Variants in SLC7A2 observed in about 807,000 individuals in gnomAD.
The protein encoded by SLC7A2 is cationic amino acid transporter 2.
SLC7A2 carries 48 observed loss-of-function variants against 58.9 expected under a neutral mutation model. The ratio of observed to expected loss-of-function variants is 0.82; its 90% CI spans 0.65 to 1.04. The LOEUF (loss-of-function observed/expected upper bound fraction) is 1.04, where lower values mean the gene tolerates loss of function less well. Ranked by LOEUF, SLC7A2 falls within the 50% of genes least tolerant of loss-of-function variation. SLC7A2 has a pLI of 0.00. For synonymous variants in SLC7A2, 363 were observed against 314.5 expected (o/e 1.15, Z -1.63); for missense variants, 1,029 against 818.8 (o/e 1.26, Z -3.13).
chr8:17,543,323 C>T lies in SLC7A2; in HGVS notation c.-17C>T. The stretch of plus-strand genomic sequence containing the variant: ...ACCTCCTCCCTTCTGCTCAGGTCGC[C>T]TTCGTCAGACGTCAGAATGATTCCT... On this transcript the variant is annotated 5_prime_UTR_variant, in exon 3 of 13. Transcript: ENST00000494857. The T allele has an allele frequency of 1.2e-6, 2 of 1,601,614 alleles. No individual in the cohort carries two copies. Among genetic ancestry groups the T allele is most frequent in the Non-Finnish European group, 8.5e-7 (1 of 1,174,120 alleles).
intron 2 of SLC7A2, among the ~76,000 whole-genome samples, chr8:17,512,416 G>A (rs1032903040): frequency 6.6e-6 from 1 of 152,046 alleles, no homozygotes; most frequent in South Asian, 2.1e-4. Flanking sequence ...GCATGGTGGC[G>A]CGTGTCTGTA....
In SLC7A2 at chr8:17,543,619, C is replaced by G; in HGVS notation, c.280C>G (p.Pro94Ala). 1 of 1,597,540 alleles carries G rather than the reference C, an allele frequency of 6.3e-7. No individual in the cohort carries two copies. Among genetic ancestry groups the G allele is most frequent in the East Asian group, 2.2e-5 (1 of 44,784 alleles). Residue 94 changes from proline to alanine, a missense_variant, in exon 3 of 13, where the codon CCC becomes GCC. Physicochemically the swap from Pro to Ala is conservative, Grantham distance 27. Coordinates refer to ENST00000494857, the MANE Select transcript of SLC7A2 (RefSeq NM_001370338.1). The part of the protein sequence containing the change: ...LCYAEFGARV[P>A]KTGSAYLYTY... ...CTATGCCGAATTTGGGGCCCGTGTT[C>G]CCAAGACGGGGTCTGCATATTTGTA...
At position 17,565,253 on chromosome 8, in the gene SLC7A2, A is replaced by T; in HGVS notation, c.*107A>T. 1 of 820,108 alleles carries T rather than the reference A, an allele frequency of 1.2e-6. No homozygotes were observed. The highest frequency in any genetic ancestry group is 1.9e-6 in the Non-Finnish European group (1 of 524,356). 50.8% of individuals were successfully genotyped at this position (820,108 alleles called of 1,614,324 possible). A position where few individuals can be genotyped will look rare whatever the true frequency, so the allele number is the denominator to read the frequency against. On this transcript the variant is annotated 3_prime_UTR_variant, in exon 13 of 13. Coordinates refer to ENST00000494857, the MANE Select transcript of SLC7A2 (RefSeq NM_001370338.1). ...CTGGGTTGTCATGGGTTTGCTGCAT[A>T]CATAGTTCACCCTAATTTATACTTA...
At chr8:17,535,238 A>C (rs1431722890) in intron 2 of SLC7A2, among the ~76,000 whole-genome samples, 1 of 151,730 alleles carries the variant, frequency 6.6e-6, no homozygotes, top group African/African-American at 2.4e-5. Context: ...ACTACCCTCT[A>C]CTTGTTTACT....
At chr8:17,514,309 G>A (rs1162779354) in intron 2 of SLC7A2, among the ~76,000 whole-genome samples, 1 of 145,188 alleles carries the variant, frequency 6.9e-6, no homozygotes, top group Admixed American at 7.0e-5. Flanking sequence ...TGAGTTGGGA[G>A]CAGTGATTGA....
rs1157710615 is a variant in SLC7A2, at chr8:17,550,342, G to A, written c.740G>A (p.Gly247Asp). 1 of 1,614,110 alleles carries A rather than the reference G, an allele frequency of 6.2e-7. No individual in the cohort carries two copies. The highest frequency in any genetic ancestry group is 1.1e-5 in the South Asian group (1 of 91,086). The change falls in exon 6 of 13, where the codon GGT becomes GAT. Residue 247 changes from glycine to aspartate, a missense_variant. Physicochemically the swap from Gly to Asp is moderately conservative, Grantham distance 94 (BLOSUM62 -1). Transcript: ENST00000494857. ...SENGTSIYGA[G>D]GFMPYGFTGT... is the part of the protein sequence containing the mutation. ...AACGGAACAAGTATCTATGGGGCTG[G>A]TGGCTTTATGCCTTATGGCTTTACG...
intron 2 of SLC7A2, among the ~76,000 whole-genome samples, chr8:17,506,686 A>T (rs1045879731): frequency 1.3e-5 from 2 of 152,232 alleles, no homozygotes; most frequent in African/African-American, 4.8e-5. Context: ...GAGTCCAAGC[A>T]TATTGAAAAG....
In SLC7A2 at chr8:17,519,940, A is replaced by G. The variant is rs569248841; in HGVS notation, c.-23+17638A>G. On this transcript the variant is annotated intron_variant, in intron 2 of 12. Coordinates refer to ENST00000494857, the MANE Select transcript of SLC7A2 (RefSeq NM_001370338.1). ...AATGGATTCATTTTTGTTGTCTACC[A>G]GTAGACCATCTGATTGATTGAAACA... Among the ~76,000 whole-genome samples the G allele has an allele frequency of 9.8e-5, 15 of 152,316 alleles. 1 individual carries two copies. In the South Asian group the frequency reaches 3.1e-3, roughly 32 times the overall value.
chr8:17,510,266 T>C (rs929509773), intron 2 of SLC7A2, among the ~76,000 whole-genome samples: 1 of 151,478 alleles, frequency 6.6e-6, no homozygotes, highest in Non-Finnish European at 1.5e-5. Context: ...AAGAGTGAGC[T>C]GGCCTTTTTT....
chr8:17,513,798 C>G (rs1025507455), intron 2 of SLC7A2, among the ~76,000 whole-genome samples: 1 of 152,084 alleles, frequency 6.6e-6, no homozygotes, highest in Non-Finnish European at 1.5e-5. Context: ...GTCCCACTTA[C>G]AACAGCGCTA....
intron 2 of SLC7A2, among the ~76,000 whole-genome samples, chr8:17,506,024 C>A (rs1800351170): frequency 6.6e-6 from 1 of 152,204 alleles, no homozygotes; most frequent in African/African-American, 2.4e-5. Flanking sequence ...TTATCTCTTG[C>A]AACACTTGCT....
intron 2 of SLC7A2, among the ~76,000 whole-genome samples, chr8:17,514,645 T>G (rs1800730624): frequency 1.3e-5 from 2 of 152,296 alleles, no homozygotes; most frequent in African/African-American, 2.4e-5. Flanking sequence ...GCCTTGCTTC[T>G]TAGATTCCAC....
chr8:17,528,576 G>C (rs1220006432), intron 2 of SLC7A2, among the ~76,000 whole-genome samples: 1 of 151,996 alleles, frequency 6.6e-6, no homozygotes, highest in Admixed American at 6.6e-5. Flanking sequence ...ACGGGGTTTT[G>C]CTCTGTCGTT....
Position 17,538,345 on chromosome 8 carries a change from A to G in SLC7A2, c.-22-4973A>G, listed in dbSNP as rs539037983. On this transcript the variant is annotated intron_variant, in intron 2 of 12. Coordinates refer to ENST00000494857, the MANE Select transcript of SLC7A2 (RefSeq NM_001370338.1). ...TTATTCAGAAGACTTGATTTGGAGA[A>G]AAGATAAGTTTTGGACCCAGTAAAA... 3.3e-5 allele frequency among the ~76,000 whole-genome samples: 5 copies of G among 152,344 alleles called. No homozygotes were observed. The East Asian group carries it at 7.7e-4, about 24-fold the overall frequency.
At chr8:17,515,170 G>C (rs1800753266) in intron 2 of SLC7A2, among the ~76,000 whole-genome samples, 1 of 152,154 alleles carries the variant, frequency 6.6e-6, no homozygotes, top group African/African-American at 2.4e-5. Context: ...GATCTAAATA[G>C]TCAGTATGTA....
At position 17,502,306 on chromosome 8, in the gene SLC7A2, A is replaced by G. The variant is rs929125988; in HGVS notation, c.-23+4A>G. ...GGAAAGCAGTGAGCCCTTACAGGTT[A>G]GTGCTGATTTCAATCTTGGCTTGCA... On this transcript the variant is annotated splice_donor_region_variant and intron_variant, in intron 2 of 12. Transcript: ENST00000494857. The G allele has an allele frequency of 2.0e-5, 3 of 152,036 alleles. No homozygotes were observed. Among genetic ancestry groups the G allele is most frequent in the African/African-American group, 7.2e-5 (3 of 41,402 alleles). 9.4% of individuals were successfully genotyped at this position (152,036 alleles called of 1,614,324 possible).
Position 17,566,820 on chromosome 8 carries a change from A to G in SLC7A2, c.*1674A>G, listed in dbSNP as rs1387774296. 6.6e-6 allele frequency: 1 copy of G among 152,152 alleles called. No individual in the cohort carries two copies. The highest frequency in any genetic ancestry group is 1.5e-5 in the Non-Finnish European group (1 of 68,038). 9.4% of individuals were successfully genotyped at this position (152,152 alleles called of 1,614,324 possible). A position where few individuals can be genotyped will look rare whatever the true frequency, so the allele number is the denominator to read the frequency against. ...AGTTCATTGGATGAGGCTGGGTGAC[A>G]TTTCCCAGGACAGCATGGTGAACAT... On this transcript the variant is annotated 3_prime_UTR_variant, in exon 13 of 13. Coordinates refer to ENST00000494857, the MANE Select transcript of SLC7A2 (RefSeq NM_001370338.1).
chr8:17,553,337 C>T (rs1383403643), intron 7 of SLC7A2, among the ~76,000 whole-genome samples: 1 of 152,178 alleles, frequency 6.6e-6, no homozygotes, highest in Non-Finnish European at 1.5e-5. Context: ...AGGCATGAGC[C>T]ACCACACCCG....
At chr8:17,504,713 A>G (rs1800295963) in intron 2 of SLC7A2, among the ~76,000 whole-genome samples, 1 of 152,338 alleles carries the variant, frequency 6.6e-6, no homozygotes, top group Non-Finnish European at 1.5e-5. Flanking sequence ...GAATTGTATA[A>G]TATTTACAAC....
Sources: gnomAD v4.1 joint callset for allele counts (sites outside exome capture counted in the v4.1 genomes callset) on GRCh38, gnomAD v4.1.1 for gene constraint, MANE v1.5 for transcripts, NCBI Gene and HGNC (gene_info 2026-07-23, HGNC 2026-07-21) for gene names.